The following CCDC60 variants were observed in gnomAD, a reference collection of about 807,000 sequenced individuals.
CCDC60 encodes coiled-coil domain containing 60.
A neutral mutation model predicts 63.5 loss-of-function variants in CCDC60; 54 were observed. The ratio of observed to expected loss-of-function variants is 0.85; its 90% CI spans 0.68 to 1.07. The LOEUF (loss-of-function observed/expected upper bound fraction) is 1.07. Ranked by LOEUF, CCDC60 falls within the 50% of genes least tolerant of loss-of-function variation. The pLI, the probability that CCDC60 is intolerant of heterozygous loss-of-function variation, is 0.00. For missense variants in CCDC60, 651 were observed against 684.3 expected (o/e 0.95, Z 0.54); for synonymous variants, 206 against 238.8 (o/e 0.86, Z 1.27).
intron 2 of CCDC60, among the ~76,000 whole-genome samples, chr12:119,443,118 A>G (rs1433057024): frequency 6.6e-6 from 1 of 152,172 alleles, no homozygotes; most frequent in Admixed American, 6.5e-5. Flanking sequence ...TACCTGTAGG[A>G]TTCTTTATTT....
chr12:119,374,461 A>G (rs545428716), intron 1 of CCDC60, among the ~76,000 whole-genome samples: 1 of 152,312 alleles, frequency 6.6e-6, no homozygotes, highest in African/African-American at 2.4e-5. Context: ...AGAAATAATA[A>G]AGACAAATAC....
rs1336227926 is a variant in CCDC60 at position 119,334,839 on chromosome 12, T to C, written c.-338T>C. 1 of 178,386 alleles carries C rather than the reference T, an allele frequency of 5.6e-6. No homozygotes were observed. Among genetic ancestry groups the C allele is most frequent in the Non-Finnish European group, 1.2e-5 (1 of 85,738 alleles). 11.1% of individuals were successfully genotyped at this position (178,386 alleles called of 1,614,324 possible). A position where few individuals can be genotyped will look rare whatever the true frequency, so the allele number is the denominator to read the frequency against. On this transcript the variant is annotated 5_prime_UTR_variant, in exon 1 of 14. Transcript: ENST00000327554. ...CCTCTCACACTTTGTCACTGGAATT[T>C]TATTTATTTTTTAGTTCATATTTTA...
At chr12:119,361,021 A>C (rs1335474608) in intron 1 of CCDC60, among the ~76,000 whole-genome samples, 1 of 151,962 alleles carries the variant, frequency 6.6e-6, no homozygotes, top group African/African-American at 2.4e-5. Context: ...CTGCAATTGC[A>C]GGCACTCCGC....
intron 2 of CCDC60, among the ~76,000 whole-genome samples, chr12:119,457,498 T>A (rs1435530104): frequency 6.6e-6 from 1 of 152,234 alleles, no homozygotes; most frequent in Non-Finnish European, 1.5e-5. Flanking sequence ...GGATGTGATT[T>A]AATAAGAATG....
intron 4 of CCDC60, among the ~76,000 whole-genome samples, chr12:119,480,015 C>CAG (rs1217829105): frequency 1.3e-4 from 19 of 147,372 alleles, no homozygotes; most frequent in African/African-American, 5.0e-4. Context: ...CACACACACA[C>CAG]ACACACACAC....
At chr12:119,487,026 G>C (rs1460103811) in intron 4 of CCDC60, among the ~76,000 whole-genome samples, 2 of 152,074 alleles carry the variant, frequency 1.3e-5, no homozygotes, top group Non-Finnish European at 2.9e-5. Flanking sequence ...TGGCTGGCCA[G>C]GACTCCACCT....
At chr12:119,475,042 G>A (rs1206456715) in intron 3 of CCDC60, among the ~76,000 whole-genome samples, 1 of 151,996 alleles carries the variant, frequency 6.6e-6, no homozygotes, top group Non-Finnish European at 1.5e-5. Flanking sequence ...CATGGCTGTT[G>A]GGATCCCAGA....
rs772951499 is a variant in CCDC60, at chr12:119,474,234, G to A, written c.341+2070G>A. ...AGAATTTTTTTAAGTTCCCCTAAGC[G>A]AATCCAGTGTGAAGCCACAGTTGAG... is the stretch of plus-strand genomic sequence containing the variant. On this transcript the variant is annotated intron_variant, in intron 3 of 13. Coordinates refer to ENST00000327554, the MANE Select transcript of CCDC60 (RefSeq NM_178499.5). 4.6e-5 allele frequency among the ~76,000 whole-genome samples: 7 copies of A among 152,154 alleles called. No homozygotes were observed. The South Asian group carries it at 6.2e-4, about 14-fold the overall frequency.
At chr12:119,398,071 A>G (rs1441358145) in intron 1 of CCDC60, among the ~76,000 whole-genome samples, 13 of 29,490 alleles carry the variant, frequency 4.4e-4, no homozygotes, top group African/African-American at 6.5e-4. Flanking sequence ...GTGGGGGGAG[A>G]GGAAGGGGCC....
intron 1 of CCDC60, among the ~76,000 whole-genome samples, chr12:119,346,886 G>A (rs926753523): frequency 2.7e-5 from 4 of 149,466 alleles, no homozygotes; most frequent in South Asian, 2.1e-4. Context: ...GAGCAATGGC[G>A]TGATCTGGGC....
At chr12:119,431,099 G>A (rs752057455) in intron 2 of CCDC60, among the ~76,000 whole-genome samples, 5 of 152,170 alleles carry the variant, frequency 3.3e-5, no homozygotes, top group Non-Finnish European at 5.9e-5. Flanking sequence ...CACCTTACCC[G>A]AATTTGTAAC....
At chr12:119,492,882 GA>G (rs1373897093) in intron 5 of CCDC60, among the ~76,000 whole-genome samples, 1 of 152,196 alleles carries the variant, frequency 6.6e-6, no homozygotes. Flanking sequence ...CTATTTTAAA[GA>G]GAAGTTAGGT....
rs150699932 is a variant in CCDC60 at position 119,518,465 on chromosome 12, T to G, written c.969-1656T>G. ...CCATGGCCATGACTAATTGCCGGGT[T>G]ATGTTGGGCAAGTTGCTTCACCTCT... On this transcript the variant is annotated intron_variant, in intron 8 of 13. Coordinates refer to ENST00000327554, the MANE Select transcript of CCDC60 (RefSeq NM_178499.5). Among the ~76,000 whole-genome samples, 298 of 152,260 alleles carry G rather than the reference T, an allele frequency of 2.0e-3. 1 individual carries two copies. The Middle Eastern group carries it at 0.027, about 14-fold the overall frequency.
At chr12:119,395,422 G>A (rs2136206951) in intron 1 of CCDC60, among the ~76,000 whole-genome samples, 1 of 152,320 alleles carries the variant, frequency 6.6e-6, no homozygotes, top group East Asian at 1.9e-4. Flanking sequence ...AGGCAAAGGG[G>A]AAGCAGACCC....
rs546853179 is a variant in CCDC60 at position 119,523,931 on chromosome 12, T to C, written c.1229+113T>C. The C allele has an allele frequency of 7.0e-6, 8 of 1,139,616 alleles. No homozygotes were observed. The African/African-American group carries it at 1.2e-4, about 18-fold the overall frequency. The allele number at this position is 1,139,616 out of a possible 1,614,324, so 70.6% of individuals were successfully genotyped here. On this transcript the variant is annotated intron_variant, in intron 11 of 13. Transcript: ENST00000327554. ...TCACAAACAAGAAGAACTTGTTCTC[T>C]GTCCTCAGGGAGCTCACAGTCTTCT...
intron 2 of CCDC60, among the ~76,000 whole-genome samples, chr12:119,436,150 G>A (rs1232997368): frequency 2.6e-5 from 4 of 152,146 alleles, no homozygotes; most frequent in South Asian, 2.1e-4. Context: ...ACTTCTCAGC[G>A]GGAACAGCTG....
intron 5 of CCDC60, among the ~76,000 whole-genome samples, chr12:119,494,444 G>C (rs1375477575): frequency 1.3e-5 from 2 of 152,158 alleles, no homozygotes; most frequent in African/African-American, 2.4e-5. Flanking sequence ...AGTTGTCTAC[G>C]TCTTATTGCT....
chr12:119,484,640 G>A (rs146478238), intron 4 of CCDC60, among the ~76,000 whole-genome samples: 11 of 152,154 alleles, frequency 7.2e-5, no homozygotes, highest in African/African-American at 1.9e-4. Flanking sequence ...TTGTGCCCAG[G>A]AGGCAGAGGC....
At position 119,456,001 on chromosome 12, in the gene CCDC60, GAGAAAGAAAGAAAGAA is replaced by G. The variant is rs753618585; in HGVS notation, c.171-15946_171-15931del. 2.0e-3 allele frequency among the ~76,000 whole-genome samples: 100 copies of G among 51,114 alleles called. 2 individuals carry two copies. Among genetic ancestry groups the G allele is most frequent in the Non-Finnish European group, 2.8e-3 (82 of 29,374 alleles). The allele number at this position is 51,114 out of a possible 152,430, so 33.5% of individuals were successfully genotyped here. ...AGGGAGAGAGAAAGAGAGAGAGAAA[GAGAAAGAAAGAAAGAA>G]AGAAAGAAAGAAAGAAAGAAAGAAA... On this transcript the variant is annotated intron_variant, in intron 2 of 13. Coordinates refer to ENST00000327554, the MANE Select transcript of CCDC60 (RefSeq NM_178499.5). This position sits in a 1 kb window ranked among gnomAD's most constrained non-coding sequence, Gnocchi z 4.6.
Sources: allele counts gnomAD v4.1 joint callset (sites outside exome capture counted in the v4.1 genomes callset), GRCh38; gene constraint gnomAD v4.1.1; non-coding constraint Gnocchi (gnomAD v3.1); transcripts MANE v1.5; gene names NCBI Gene and HGNC (gene_info 2026-07-23, HGNC 2026-07-21).